RABGAP1L: variants seen among roughly 807,000 people sequenced by gnomAD.
RABGAP1L encodes rab GTPase-activating protein 1-like.
A neutral mutation model predicts 137.7 loss-of-function variants in RABGAP1L; 63 were observed. That is an observed-to-expected ratio of 0.46 (90% CI 0.37 to 0.56). The LOEUF (loss-of-function observed/expected upper bound fraction) is 0.56. Ranked by LOEUF, RABGAP1L falls within the 20% of genes least tolerant of loss-of-function variation. RABGAP1L has a pLI of 0.00. For missense variants in RABGAP1L, 1,095 were observed against 1,244.0 expected (o/e 0.88, Z 1.80); for synonymous variants, 431 against 433.7 (o/e 0.99, Z 0.08).
chr1:174,541,357 C>T (rs1440864360), intron 13 of RABGAP1L, among the ~76,000 whole-genome samples: 1 of 152,200 alleles, frequency 6.6e-6, no homozygotes, highest in Non-Finnish European at 1.5e-5. Flanking sequence ...GAGGGCATCC[C>T]TGTCTTGTGC....
intron 7 of RABGAP1L, among the ~76,000 whole-genome samples, chr1:174,270,363 C>T (rs1674448771): frequency 6.6e-6 from 1 of 152,014 alleles, no homozygotes; most frequent in Admixed American, 6.5e-5. Flanking sequence ...TCTATTTTAT[C>T]ATTCACCTGG....
chr1:174,370,248 T>C (rs1008947838), intron 11 of RABGAP1L, among the ~76,000 whole-genome samples: 1 of 152,164 alleles, frequency 6.6e-6, no homozygotes, highest in Non-Finnish European at 1.5e-5. Context: ...TATTTTATAA[T>C]AGGTACATTG....
At chr1:174,500,142 C>T (rs890910974) in intron 13 of RABGAP1L, among the ~76,000 whole-genome samples, 5 of 149,562 alleles carry the variant, frequency 3.3e-5, no homozygotes, top group Admixed American at 2.0e-4. Context: ...TGCAATGATG[C>T]GATCTCAACT....
chr1:174,607,425 C>G (rs1670872234), intron 13 of RABGAP1L, among the ~76,000 whole-genome samples: 1 of 152,186 alleles, frequency 6.6e-6, no homozygotes, highest in Admixed American at 6.5e-5. Context: ...TTTTGCCCCA[C>G]TTAGCCCAGT....
intron 15 of RABGAP1L, among the ~76,000 whole-genome samples, chr1:174,698,107 C>T (rs1679393985): frequency 6.6e-6 from 1 of 152,118 alleles, no homozygotes; most frequent in Non-Finnish European, 1.5e-5. Flanking sequence ...GTTAGTCTAA[C>T]AAATGTATGA....
At chr1:174,396,124 A>G (rs755301587) in intron 13 of RABGAP1L, among the ~76,000 whole-genome samples, 1 of 152,182 alleles carries the variant, frequency 6.6e-6, no homozygotes, top group Non-Finnish European at 1.5e-5. Context: ...AGGCAAACCT[A>G]TAGAGACAGA....
At chr1:174,683,734 G>A in intron 15 of RABGAP1L, 138 bp downstream of exon 15, 1 of 567,308 alleles carries the variant, frequency 1.8e-6, no homozygotes, top group Non-Finnish European at 3.0e-6. Context: ...ATGTACGTTA[G>A]GTGATAAAGT....
intron 13 of RABGAP1L, among the ~76,000 whole-genome samples, chr1:174,415,600 A>C (rs538015523): frequency 5.9e-5 from 9 of 152,178 alleles, no homozygotes; most frequent in Admixed American, 1.3e-4. Context: ...TGATACCTGC[A>C]AAAATGATGT....
chr1:174,500,744 C>A (rs1256193952), intron 13 of RABGAP1L, among the ~76,000 whole-genome samples: 2 of 152,074 alleles, frequency 1.3e-5, no homozygotes, highest in Non-Finnish European at 2.9e-5. Flanking sequence ...TCCATAATTT[C>A]TTATTTCATA....
chr1:174,454,918 A>G (rs1400494921), intron 13 of RABGAP1L, among the ~76,000 whole-genome samples: 1 of 152,128 alleles, frequency 6.6e-6, no homozygotes, highest in Non-Finnish European at 1.5e-5. Flanking sequence ...TAAACAACAA[A>G]AAGATGGCTC....
At chr1:174,560,428 G>A (rs1407636612) in intron 13 of RABGAP1L, among the ~76,000 whole-genome samples, 2 of 152,174 alleles carry the variant, frequency 1.3e-5, no homozygotes, top group South Asian at 2.1e-4. Flanking sequence ...AGAATATTGC[G>A]ACTGGTGGGT....
At chr1:174,320,135 A>C (rs1408806340) in intron 11 of RABGAP1L, among the ~76,000 whole-genome samples, 2 of 152,172 alleles carry the variant, frequency 1.3e-5, no homozygotes, top group African/African-American at 4.8e-5. Context: ...TTTGAGTGGT[A>C]GTTCACCAGG....
At chr1:174,660,182 A>G (rs1010989789) in intron 14 of RABGAP1L, among the ~76,000 whole-genome samples, 3 of 152,196 alleles carry the variant, frequency 2.0e-5, no homozygotes, top group African/African-American at 7.2e-5. Flanking sequence ...GCTCTCCACC[A>G]GGGACAGAAA....
intron 19 of RABGAP1L, among the ~76,000 whole-genome samples, chr1:174,919,507 A>T (rs1661460894): frequency 6.6e-6 from 1 of 152,176 alleles, no homozygotes; most frequent in South Asian, 2.1e-4. Context: ...TCCAAGGGAA[A>T]GTTTTTGTCT....
chr1:174,317,824 G>A (rs1679532076), intron 11 of RABGAP1L, among the ~76,000 whole-genome samples: 1 of 152,122 alleles, frequency 6.6e-6, no homozygotes, highest in Non-Finnish European at 1.5e-5. Context: ...TACCGCTGGG[G>A]TCAGGGATTT....
At chr1:174,637,276 T>G in intron 13 of RABGAP1L, 99 bp from the exon 14 acceptor site, 1 of 789,154 alleles carries the variant, frequency 1.3e-6, no homozygotes, top group Non-Finnish European at 2.1e-6. Flanking sequence ...TTTCTGTTGT[T>G]TACTTTTCTT....
chr1:174,359,970 CTGTT>C (rs1197539147), intron 11 of RABGAP1L, among the ~76,000 whole-genome samples: 1 of 152,198 alleles, frequency 6.6e-6, no homozygotes, highest in Non-Finnish European at 1.5e-5. Context: ...TTCCATCCAA[CTGTT>C]TGGCCCCTGA....
At chr1:174,926,215 T>C (rs1352687185) in intron 19 of RABGAP1L, among the ~76,000 whole-genome samples, 1 of 152,190 alleles carries the variant, frequency 6.6e-6, no homozygotes, top group African/African-American at 2.4e-5. Context: ...ATCTTTGATG[T>C]CTAGTAGAGC....
At chr1:174,215,244 G>T (rs1196579422) in intron 1 of RABGAP1L, among the ~76,000 whole-genome samples, 2 of 152,106 alleles carry the variant, frequency 1.3e-5, no homozygotes, top group Admixed American at 6.5e-5. Flanking sequence ...ATCACCTGGG[G>T]TCAGGAGTTC....
Sources: allele counts gnomAD v4.1 joint callset (sites outside exome capture counted in the v4.1 genomes callset), GRCh38; gene constraint gnomAD v4.1.1; transcripts MANE v1.5; gene names NCBI Gene and HGNC (gene_info 2026-07-23, HGNC 2026-07-21).